IPPK: variants seen among roughly 807,000 people sequenced by gnomAD.
IPPK encodes the protein inositol-pentakisphosphate 2-kinase.
IPPK carries 22 observed loss-of-function variants against 64.6 expected under a neutral mutation model. The observed-to-expected ratio is 0.34, with a 90% CI of 0.24 to 0.49. The LOEUF is 0.49. Among genes scored for constraint, IPPK ranks in the 20% least tolerant of loss-of-function variants. IPPK has a pLI of 0.99. For synonymous variants in IPPK, 262 were observed against 247.2 expected, an observed-to-expected ratio of 1.06 and a Z score of -0.56; for missense variants, 532 against 630.7, an observed-to-expected ratio of 0.84 and a Z score of 1.68.
chr9:92,650,799 C>T (rs1587638630), intron 4 of IPPK, among the ~76,000 whole-genome samples: 1 of 152,262 alleles, frequency 6.6e-6, no homozygotes, highest in East Asian at 1.9e-4. Context: ...GCAGGCTCTA[C>T]CTTCTCTCAC....
At chr9:92,636,842 G>A (rs1851952003) in intron 9 of IPPK, among the ~76,000 whole-genome samples, 1 of 152,086 alleles carries the variant, frequency 6.6e-6, no homozygotes, top group Non-Finnish European at 1.5e-5. Flanking sequence ...GGAGCCCCGG[G>A]GTGCTGTGGC....
At chr9:92,640,500 G>A (rs1304468326) in intron 8 of IPPK, among the ~76,000 whole-genome samples, 4 of 152,156 alleles carry the variant, frequency 2.6e-5, no homozygotes, top group Admixed American at 6.5e-5. Flanking sequence ...TGCTATGCTT[G>A]TGGAATCGTG....
intron 1 of IPPK, among the ~76,000 whole-genome samples, chr9:92,660,015 C>G (rs1196342079): frequency 1.3e-5 from 2 of 152,158 alleles, no homozygotes; most frequent in Non-Finnish European, 2.9e-5. Context: ...AACAATCAAT[C>G]ATGGGAATCG....
chr9:92,622,414 G>A (rs1040787507), intron 11 of IPPK, among the ~76,000 whole-genome samples: 5 of 152,074 alleles, frequency 3.3e-5, no homozygotes, highest in African/African-American at 1.2e-4. Context: ...AACTATAATC[G>A]TTAGGATTAA....
At position 92,638,077 on chromosome 9, in the gene IPPK, G is replaced by T. The variant is rs759460735; in HGVS notation, c.840C>A (p.Thr280=). 1.2e-6 allele frequency: 2 copies of T among 1,612,442 alleles called. No individual in the cohort carries two copies. Among genetic ancestry groups the T allele is most frequent in the East Asian group, 4.5e-5 (2 of 44,832 alleles). The change falls in exon 9 of 13, where the codon ACC becomes ACA. Residue 280 remains threonine, a synonymous_variant. Coordinates refer to ENST00000287996, the MANE Select transcript of IPPK (RefSeq NM_022755.6). Reference sequence around the variant, plus strand: ...CCTGAGGCCCGAGCCCCGGACTCAGGGTGCCTGCCCGGCCCTTGTCCGAGC... The same window carrying T: ...CCTGAGGCCCGAGCCCCGGACTCAGTGTGCCTGCCCGGCCCTTGTCCGAGC... ...LSGSDKGRAG[T]LSPGLGPQGP...
intron 11 of IPPK, among the ~76,000 whole-genome samples, chr9:92,629,347 T>C (rs1851791262): frequency 6.6e-6 from 1 of 151,988 alleles, no homozygotes; most frequent in Admixed American, 6.6e-5. Flanking sequence ...ACCAAGAAAG[T>C]AAAAAGGCAA....
At chr9:92,616,167 T>C (rs1274961614) in intron 12 of IPPK, 110 bp from the exon 13 acceptor site, 4 of 742,058 alleles carry the variant, frequency 5.4e-6, no homozygotes, top group Non-Finnish European at 8.8e-6. Context: ...TGTTTTTTCT[T>C]TGACTTCTGC....
chr9:92,628,444 A>G (rs1038533632), intron 11 of IPPK, among the ~76,000 whole-genome samples: 3 of 152,264 alleles, frequency 2.0e-5, no homozygotes, highest in African/African-American at 7.2e-5. Context: ...GTAGTACTCA[A>G]GACAGGGTAC....
chr9:92,616,378 G>T (rs1008467981), intron 12 of IPPK: 4 of 240,536 alleles, frequency 1.7e-5, no homozygotes, highest in African/African-American at 9.0e-5. Context: ...CTGAAAGATG[G>T]AAAAGTAATT....
chr9:92,663,231 T>C (rs1199872174), intron 1 of IPPK, among the ~76,000 whole-genome samples: 1 of 152,242 alleles, frequency 6.6e-6, no homozygotes, highest in African/African-American at 2.4e-5. Flanking sequence ...AGGATTATAA[T>C]ACCACAGTTT....
Position 92,613,394 on chromosome 9 carries a change from A to C in IPPK, c.*2438T>G. 1 of 422,710 alleles carries C rather than the reference A, an allele frequency of 2.4e-6. No homozygotes were observed. Among genetic ancestry groups the C allele is most frequent in the South Asian group, 2.3e-5 (1 of 43,710 alleles). 26.2% of individuals were successfully genotyped at this position (422,710 alleles called of 1,614,324 possible). ...ATAAAAATAAGCTTAACATCTGAGA[A>C]AATGTACCAAGTGGTTGTGTGTCCT... On this transcript the variant is annotated 3_prime_UTR_variant, in exon 13 of 13. Coordinates refer to ENST00000287996, the MANE Select transcript of IPPK (RefSeq NM_022755.6).
At position 92,619,253 on chromosome 9, in the gene IPPK, T is replaced by C; in HGVS notation, c.1250+233A>G. On this transcript the variant is annotated intron_variant, in intron 12 of 12. Transcript: ENST00000287996. ...TTTCTTAGAAAACAGTAACTTTCAA[T>C]GTACTAACAATCCTTTTAAGTTATT... 3 of 506,524 alleles carry C rather than the reference T, an allele frequency of 5.9e-6. No homozygotes were observed. In the East Asian group the frequency reaches 9.4e-5, roughly 16 times the overall value. 31.4% of individuals were successfully genotyped at this position (506,524 alleles called of 1,614,324 possible).
At chr9:92,623,420 C>T (rs538233377) in intron 11 of IPPK, among the ~76,000 whole-genome samples, 81 of 146,022 alleles carry the variant, frequency 5.5e-4, no homozygotes, top group African/African-American at 2.0e-3. Flanking sequence ...GGCGACAGAG[C>T]GAGACTCCGT....
At chr9:92,622,693 C>T (rs1361831364) in intron 11 of IPPK, among the ~76,000 whole-genome samples, 1 of 152,038 alleles carries the variant, frequency 6.6e-6, no homozygotes, top group Non-Finnish European at 1.5e-5. Context: ...TAACGCTACA[C>T]CATGAAAATC....
In IPPK at chr9:92,614,372, C is replaced by T. The variant is rs545908800; in HGVS notation, c.*1460G>A. 6.6e-6 allele frequency: 1 copy of T among 152,464 alleles called. No individual in the cohort carries two copies. The highest frequency in any genetic ancestry group is 1.9e-4 in the East Asian group (1 of 5,192). 9.4% of individuals were successfully genotyped at this position (152,464 alleles called of 1,614,324 possible). A position where few individuals can be genotyped will look rare whatever the true frequency, so the allele number is the denominator to read the frequency against. ...CGCTTCCCAGAGCCTGCGGCTTGTCCGTGAGCTCCGTGCACTTCACCAAAG... is the reference window on the plus strand; with the variant it reads ...CGCTTCCCAGAGCCTGCGGCTTGTCTGTGAGCTCCGTGCACTTCACCAAAG... On this transcript the variant is annotated 3_prime_UTR_variant, in exon 13 of 13. Coordinates refer to ENST00000287996, the MANE Select transcript of IPPK (RefSeq NM_022755.6).
intron 9 of IPPK, 24 bp downstream of exon 9, chr9:92,637,977 T>C: frequency 2.6e-6 from 4 of 1,516,950 alleles, no homozygotes; most frequent in South Asian, 2.5e-5. Flanking sequence ...CCCCACCGCC[T>C]ACCTGGGGAA....
At chr9:92,653,516 G>A (rs1161939455) in intron 3 of IPPK, among the ~76,000 whole-genome samples, 3 of 152,214 alleles carry the variant, frequency 2.0e-5, no homozygotes, top group Non-Finnish European at 2.9e-5. Context: ...ATTAGGTAAG[G>A]TGACACAATG....
At chr9:92,621,507 C>CTTTTTTTTTTTTTTTTTTTTT (rs58003734) in intron 11 of IPPK, among the ~76,000 whole-genome samples, 1 of 87,800 alleles carries the variant, frequency 1.1e-5, no homozygotes, top group Non-Finnish European at 2.1e-5. Context: ...AATACCATTC[C>CTTTTTTTTTTTTTTTTTTTTT]TTTTTTTTTT....
intron 3 of IPPK, among the ~76,000 whole-genome samples, chr9:92,654,885 G>A (rs769674297): frequency 1.3e-5 from 2 of 152,256 alleles, no homozygotes; most frequent in Admixed American, 6.5e-5. Flanking sequence ...AGGTTCCAAC[G>A]GAGCTGAGGC....
Sources: allele counts gnomAD v4.1 joint callset (sites outside exome capture counted in the v4.1 genomes callset), GRCh38; gene constraint gnomAD v4.1.1; transcripts MANE v1.5; gene names NCBI Gene and HGNC (gene_info 2026-07-23, HGNC 2026-07-21).